PDK1: variants seen among roughly 807,000 people sequenced by gnomAD.
PDK1 encodes [Pyruvate dehydrogenase (acetyl-transferring)] kinase isozyme 1, mitochondrial.
PDK1 carries 39 observed loss-of-function variants against 54.2 expected under a neutral mutation model. That is an observed-to-expected ratio of 0.72 (90% confidence interval 0.56 to 0.94). The LOEUF (loss-of-function observed/expected upper bound fraction) is 0.94. PDK1 is among the 40% of genes least tolerant of loss of function. The probability of loss-of-function intolerance (pLI) is 0.00; values close to 1 mark genes in which losing one functional copy is unlikely to be tolerated. For synonymous variants in PDK1, 221 were observed against 207.1 expected (o/e 1.07, Z -0.58); for missense variants, 552 against 566.0 (o/e 0.98, Z 0.25).
At chr2:172,680,526 T>C in the PDK1 span, among the ~76,000 whole-genome samples, 1 of 151,960 alleles carries the variant, frequency 6.6e-6, no homozygotes, top group African/African-American at 2.4e-5. Context: ...AATTTTTATT[T>C]ATTTATTTAT....
intron 8 of PDK1, among the ~76,000 whole-genome samples, chr2:172,573,662 G>GAT (rs60256439): frequency 0.06 from 9,001 of 150,428 alleles, 410 homozygotes; most frequent in East Asian, 0.21. Flanking sequence ...ACTCTCTCTA[G>GAT]ATATATATAT....
intron 8 of PDK1, 64 bp from the exon 9 acceptor site, chr2:172,586,214 T>C: frequency 1.1e-6 from 1 of 889,286 alleles, no homozygotes; most frequent in Non-Finnish European, 1.9e-6. Flanking sequence ...ATGCTATGAG[T>C]ATGTGTTGAT....
At chr2:172,650,471 T>C in the PDK1 span, among the ~76,000 whole-genome samples, 2 of 152,114 alleles carry the variant, frequency 1.3e-5, no homozygotes, top group Non-Finnish European at 2.9e-5. Context: ...AGGATCAAAT[T>C]CACACATAAT....
the PDK1 span, among the ~76,000 whole-genome samples, chr2:172,705,170 G>T: frequency 1.3e-5 from 2 of 152,126 alleles, no homozygotes; most frequent in Non-Finnish European, 2.9e-5. Context: ...TGTATAAAAT[G>T]TACAAAAAAA....
chr2:172,635,400 C>A, the PDK1 span, among the ~76,000 whole-genome samples: 1 of 152,148 alleles, frequency 6.6e-6, no homozygotes, highest in East Asian at 1.9e-4. Flanking sequence ...AGTGTAACCT[C>A]CCCCTCCCGG....
the PDK1 span, among the ~76,000 whole-genome samples, chr2:172,699,478 C>CTTTTTT: frequency 7.7e-6 from 1 of 130,232 alleles, no homozygotes; most frequent in African/African-American, 2.9e-5. Flanking sequence ...CCTCATCTGA[C>CTTTTTT]TTTTTTTTTT....
At position 172,603,911 on chromosome 2, in the gene PDK1, A is replaced by G. The variant is rs1033543022; in HGVS notation, c.*7942A>G. 9 of 152,328 alleles carry G rather than the reference A, an allele frequency of 5.9e-5. No homozygotes were observed. Among genetic ancestry groups the G allele is most frequent in the African/African-American group, 2.2e-4 (9 of 41,572 alleles). 9.4% of individuals were successfully genotyped at this position (152,328 alleles called of 1,614,324 possible). Reference sequence around the variant, plus strand: ...CTGAGGGTTTAACAAAGGAGAGTCCATTTATATTTGGCTGGTAAGATCGAT... The same window carrying G: ...CTGAGGGTTTAACAAAGGAGAGTCCGTTTATATTTGGCTGGTAAGATCGAT... On this transcript the variant is annotated 3_prime_UTR_variant, in exon 11 of 11. Transcript: ENST00000282077.
At chr2:172,695,346 G>A in the PDK1 span, among the ~76,000 whole-genome samples, 1 of 152,130 alleles carries the variant, frequency 6.6e-6, no homozygotes, top group Admixed American at 6.6e-5. Flanking sequence ...CATATGTTGA[G>A]GACCTACTCC....
the PDK1 span, among the ~76,000 whole-genome samples, chr2:172,658,157 G>T: frequency 2.0e-5 from 3 of 152,046 alleles, no homozygotes; most frequent in Non-Finnish European, 4.4e-5. Context: ...CTCCCATTAG[G>T]CTCCACCTCC....
intron 8 of PDK1, 107 bp from the exon 9 acceptor site, chr2:172,586,171 A>G: frequency 1.7e-6 from 1 of 604,812 alleles, no homozygotes. Flanking sequence ...AAAAAAAAAA[A>G]AAAAGCGCTC....
At chr2:172,642,811 T>TC in the PDK1 span, among the ~76,000 whole-genome samples, 33 of 66,594 alleles carry the variant, frequency 5.0e-4, no homozygotes, top group African/African-American at 1.2e-3. Flanking sequence ...TCCTCCTCCT[T>TC]CTTCTTCTCT....
At chr2:172,678,223 G>A in the PDK1 span, among the ~76,000 whole-genome samples, 23 of 152,018 alleles carry the variant, frequency 1.5e-4, no homozygotes, top group Admixed American at 3.3e-4. Flanking sequence ...GAAGTCTATC[G>A]ATCCTGTAAT....
intron 9 of PDK1, among the ~76,000 whole-genome samples, chr2:172,586,862 T>C (rs1690258603): frequency 6.6e-6 from 1 of 152,234 alleles, no homozygotes; most frequent in Non-Finnish European, 1.5e-5. Context: ...ATAATTGCTT[T>C]GATGGTGTTT....
chr2:172,600,459 T>G lies in PDK1; in HGVS notation c.*4490T>G, dbSNP rs1174744936. On this transcript the variant is annotated 3_prime_UTR_variant, in exon 11 of 11. Coordinates refer to ENST00000282077, the MANE Select transcript of PDK1 (RefSeq NM_002610.5). ...TTTTCATCTCTTTACTCTCAGTATC[T>G]CCATAATGGCCAGTATGTAGTAGGC... 6.6e-6 allele frequency: 1 copy of G among 152,210 alleles called. No individual in the cohort carries two copies. The highest frequency in any genetic ancestry group is 1.5e-5 in the Non-Finnish European group (1 of 68,032). The allele number at this position is 152,210 out of a possible 1,614,324, so 9.4% of individuals were successfully genotyped here.
the PDK1 span, among the ~76,000 whole-genome samples, chr2:172,659,168 A>G: frequency 1.3e-5 from 2 of 152,294 alleles, no homozygotes; most frequent in African/African-American, 4.8e-5. Flanking sequence ...GCCCAGCTGT[A>G]AAATTCCACT....
chr2:172,591,986 C>G (rs1690614286), intron 9 of PDK1, among the ~76,000 whole-genome samples: 1 of 152,204 alleles, frequency 6.6e-6, no homozygotes, highest in Admixed American at 6.5e-5. Flanking sequence ...CCCATTGTGT[C>G]TTTTTCCCTT....
At chr2:172,635,622 A>C in the PDK1 span, among the ~76,000 whole-genome samples, 1 of 151,844 alleles carries the variant, frequency 6.6e-6, no homozygotes. Flanking sequence ...TGTATTAACT[A>C]TTTTTCTGTT....
chr2:172,631,851 G>A, the PDK1 span, among the ~76,000 whole-genome samples: 3 of 152,052 alleles, frequency 2.0e-5, no homozygotes, highest in African/African-American at 2.4e-5. Context: ...CTTATGTTAC[G>A]GTTTTCTGAT....
At chr2:172,721,245 G>T in the PDK1 span, among the ~76,000 whole-genome samples, 2 of 152,152 alleles carry the variant, frequency 1.3e-5, no homozygotes, top group Non-Finnish European at 2.9e-5. Context: ...AAAATTATGA[G>T]TTTGTATTTT....
Sources: gnomAD v4.1 joint callset for allele counts (sites outside exome capture counted in the v4.1 genomes callset) on GRCh38, gnomAD v4.1.1 for gene constraint, MANE v1.5 for transcripts, NCBI Gene and HGNC (gene_info 2026-07-23, HGNC 2026-07-21) for gene names.